The following KLF8 variants were observed in gnomAD, a reference collection of about 807,000 sequenced individuals.
KLF8 encodes KLF transcription factor 8, also known as Krueppel-like factor 8.
KLF8 carries 10 observed loss-of-function variants against 18.2 expected under a neutral mutation model. That is an observed-to-expected ratio of 0.55 (90% CI 0.34 to 0.93). The LOEUF is 0.93. Among genes scored for constraint, KLF8 ranks in the 40% least tolerant of loss-of-function variants. The pLI is 0.02. For synonymous variants in KLF8, 109 were observed against 97.3 expected, an observed-to-expected ratio of 1.12 and a Z score of -0.71; for missense variants, 264 against 277.9, an observed-to-expected ratio of 0.95 and a Z score of 0.36.
chrX:56,183,682 A>T, the KLF8 span, among the ~76,000 whole-genome samples: 1 of 111,877 alleles, frequency 8.9e-6, no homozygotes, highest in Admixed American at 9.5e-5. Context: ...AAATTAAATC[A>T]TATCACCAGA....
the KLF8 span, among the ~76,000 whole-genome samples, chrX:56,193,404 A>C: frequency 8.9e-6 from 1 of 111,873 alleles, no homozygotes. Context: ...CATGGAGAAC[A>C]GTTTGGAGGT....
chrX:56,124,486 A>G, the KLF8 span, among the ~76,000 whole-genome samples: 1 of 112,230 alleles, frequency 8.9e-6, no homozygotes, highest in Non-Finnish European at 1.9e-5. Context: ...AAGTACATGA[A>G]TCGTTTATCA....
At chrX:55,965,228 G>A in the KLF8 span, among the ~76,000 whole-genome samples, 1 of 112,010 alleles carries the variant, frequency 8.9e-6, no homozygotes, top group Non-Finnish European at 1.9e-5. Context: ...ATGCAAACTT[G>A]GATCAACATA....
At chrX:56,272,378 T>C (rs1378919825) in intron 5 of KLF8, among the ~76,000 whole-genome samples, 2 of 111,107 alleles carry the variant, frequency 1.8e-5, no homozygotes, top group African/African-American at 6.6e-5. Context: ...GCCCAGCTAA[T>C]TTTTCTATTT....
At chrX:56,013,143 G>C in the KLF8 span, among the ~76,000 whole-genome samples, 1 of 112,771 alleles carries the variant, frequency 8.9e-6, no homozygotes, top group Admixed American at 9.3e-5. Flanking sequence ...CCTACCTCTT[G>C]CATCAGCAAG....
the KLF8 span, among the ~76,000 whole-genome samples, chrX:56,183,782 G>A: frequency 8.9e-6 from 1 of 111,943 alleles, no homozygotes; most frequent in Non-Finnish European, 1.9e-5. Flanking sequence ...AAATGGCAAG[G>A]CTAACTATTT....
At chrX:56,227,243 C>T in the KLF8 span, among the ~76,000 whole-genome samples, 17 of 112,087 alleles carry the variant, frequency 1.5e-4, no homozygotes, top group African/African-American at 4.9e-4. Context: ...AGAGCCCTGG[C>T]GCCTCTCTGG....
At chrX:55,942,483 C>G in the KLF8 span, among the ~76,000 whole-genome samples, 1 of 109,903 alleles carries the variant, frequency 9.1e-6, no homozygotes, top group African/African-American at 3.3e-5. Flanking sequence ...CAAATCTGTA[C>G]GTCATGCACT....
chrX:56,177,649 G>T, the KLF8 span, among the ~76,000 whole-genome samples: 2 of 111,745 alleles, frequency 1.8e-5, no homozygotes, highest in African/African-American at 6.5e-5. Context: ...GGACATTTAA[G>T]TCTGCAGAGG....
At chrX:56,156,714 C>A in the KLF8 span, among the ~76,000 whole-genome samples, 2 of 106,218 alleles carry the variant, frequency 1.9e-5, no homozygotes, top group Non-Finnish European at 3.9e-5. Flanking sequence ...CTAATGCTAT[C>A]CCTCCCCCCT....
At chrX:55,946,624 A>G in the KLF8 span, among the ~76,000 whole-genome samples, 1 of 111,894 alleles carries the variant, frequency 8.9e-6, no homozygotes, top group Non-Finnish European at 1.9e-5. Context: ...ACAAAAGCCA[A>G]AATTGACGAA....
chrX:55,957,983 A>G, the KLF8 span, among the ~76,000 whole-genome samples: 3 of 112,385 alleles, frequency 2.7e-5, no homozygotes, highest in African/African-American at 9.7e-5. Context: ...TTTCAAGATT[A>G]CACATCCAGG....
At chrX:56,205,505 G>A in the KLF8 span, among the ~76,000 whole-genome samples, 29 of 111,481 alleles carry the variant, frequency 2.6e-4, no homozygotes, top group African/African-American at 7.8e-4. Context: ...TGCATCCCAG[G>A]GATTGCACTT....
At chrX:56,227,836 G>A (rs1359116301), upstream of KLF8, among the ~76,000 whole-genome samples, 2 of 103,352 alleles carry the variant, frequency 1.9e-5, no homozygotes, top group African/African-American at 7.2e-5. Context: ...GGTCTAAAAT[G>A]GAGTTAAAAA....
chrX:56,291,313 G>C lies in KLF8; in HGVS notation c.*6819G>C, dbSNP rs1602487217. Among the ~76,000 whole-genome samples the C allele has an allele frequency of 9.0e-6, 1 of 111,194 alleles. No individual in the cohort carries two copies. Among genetic ancestry groups the C allele is most frequent in the South Asian group, 3.8e-4 (1 of 2,626 alleles). On this transcript the variant is annotated 3_prime_UTR_variant, in exon 6 of 6. Transcript: ENST00000468660. ...CTTGCTCCAGAGGCATGGCTTTGAG[G>C]CTAGAATCATGAGCAATCTCTCATA... is the stretch of plus-strand genomic sequence containing the variant.
At chrX:56,280,167 G>A (rs1569192823) in intron 5 of KLF8, among the ~76,000 whole-genome samples, 1 of 112,157 alleles carries the variant, frequency 8.9e-6, no homozygotes, top group Non-Finnish European at 1.9e-5. Context: ...ATACTGTCAA[G>A]TCCCAGTATA....
intron 1 of KLF8, among the ~76,000 whole-genome samples, chrX:56,245,670 C>T (rs1410505334): frequency 8.9e-6 from 1 of 112,205 alleles, no homozygotes; most frequent in Non-Finnish European, 1.9e-5. Context: ...TGGTTATTAC[C>T]TCAAGTTGGT....
the KLF8 span, among the ~76,000 whole-genome samples, chrX:56,113,163 A>C: frequency 1.9e-5 from 2 of 106,059 alleles, no homozygotes; most frequent in Non-Finnish European, 3.9e-5. Flanking sequence ...ATGCCACTGC[A>C]CTCCAGCCTG....
chrX:56,135,205 A>T, the KLF8 span, among the ~76,000 whole-genome samples: 1 of 111,400 alleles, frequency 9.0e-6, no homozygotes, highest in East Asian at 2.8e-4. Context: ...TACTGGTTAT[A>T]TACCCAAAGG....
Sources: gnomAD v4.1 joint callset for allele counts (sites outside exome capture counted in the v4.1 genomes callset) on GRCh38, gnomAD v4.1.1 for gene constraint, MANE v1.5 for transcripts, NCBI Gene and HGNC (gene_info 2026-07-23, HGNC 2026-07-21) for gene names.